The following COPZ1 variants were observed in gnomAD, a reference collection of about 807,000 sequenced individuals.
COPZ1 encodes the protein coatomer subunit zeta-1.
Under a neutral mutation model 31.7 loss-of-function variants are expected in COPZ1, and 4 were observed. The observed-to-expected ratio is 0.13, with a 90% CI of 0.06 to 0.29. COPZ1 has a LOEUF of 0.29. Ranked by LOEUF, COPZ1 falls within the 10% of genes least tolerant of loss-of-function variation. The pLI is 1.00. For synonymous variants in COPZ1, 74 were observed against 79.0 expected (o/e 0.94, Z 0.33); for missense variants, 156 against 211.5 (o/e 0.74, Z 1.63).
chr12:54,327,129 C>G (rs550713252), intron 1 of COPZ1, among the ~76,000 whole-genome samples: 2 of 149,686 alleles, frequency 1.3e-5, no homozygotes, highest in Non-Finnish European at 3.0e-5. Context: ...TACAGGCACG[C>G]GCCACCATGC....
intron 1 of COPZ1, 95 bp downstream of exon 1, chr12:54,325,276 G>T: frequency 6.9e-7 from 1 of 1,451,052 alleles, no homozygotes; most frequent in Non-Finnish European, 9.3e-7. Context: ...GAGAGTTCCG[G>T]GTAATTCTTG....
chr12:54,325,143 C>T lies in COPZ1; in HGVS notation c.-21C>T. On this transcript the variant is annotated 5_prime_UTR_variant, in exon 1 of 9. Transcript: ENST00000262061. ...CGGCGTTTCTTTTGCGGCTCCACGT[C>T]GGCACCAGCTGCGGGGCAAGATGGA... 1 of 1,561,680 alleles carries T rather than the reference C, an allele frequency of 6.4e-7. No individual in the cohort carries two copies. The highest frequency in any genetic ancestry group is 1.7e-4 in the Middle Eastern group (1 of 5,974).
chr12:54,326,836 G>A (rs989006669), intron 1 of COPZ1, among the ~76,000 whole-genome samples: 1 of 151,548 alleles, frequency 6.6e-6, no homozygotes, highest in African/African-American at 2.4e-5. Context: ...AAGAATAACA[G>A]GTTTTAATTC....
intron 7 of COPZ1, among the ~76,000 whole-genome samples, chr12:54,349,142 C>G (rs556057097): frequency 6.6e-6 from 1 of 152,180 alleles, no homozygotes; most frequent in African/African-American, 2.4e-5. Context: ...CCATCAACTC[C>G]CCGCTTTGTC....
At chr12:54,339,812 G>C (rs997574455) in intron 1 of COPZ1, among the ~76,000 whole-genome samples, 4 of 152,262 alleles carry the variant, frequency 2.6e-5, no homozygotes, top group Non-Finnish European at 4.4e-5. Context: ...GTGTTTCTCA[G>C]ATAGATCATC....
chr12:54,347,308 G>C (rs1195819294), intron 5 of COPZ1, among the ~76,000 whole-genome samples: 1 of 152,216 alleles, frequency 6.6e-6, no homozygotes, highest in Non-Finnish European at 1.5e-5. Context: ...GCTGGTAAGG[G>C]ATAGGGAGAA....
At chr12:54,338,953 A>G (rs1349222785) in intron 1 of COPZ1, among the ~76,000 whole-genome samples, 1 of 152,152 alleles carries the variant, frequency 6.6e-6, no homozygotes, top group East Asian at 1.9e-4. Flanking sequence ...TAGAGGCTGC[A>G]GTTTCTGGGT....
intron 1 of COPZ1, among the ~76,000 whole-genome samples, chr12:54,329,664 T>G (rs1953717728): frequency 6.6e-6 from 1 of 152,222 alleles, no homozygotes; most frequent in Non-Finnish European, 1.5e-5. Context: ...CCTCTCTGGA[T>G]TCACTTTCAG....
intron 1 of COPZ1, among the ~76,000 whole-genome samples, chr12:54,336,098 CT>C (rs1242835627): frequency 6.6e-6 from 1 of 152,156 alleles, no homozygotes; most frequent in Non-Finnish European, 1.5e-5. Context: ...TCCAAGTATC[CT>C]CTCTACCTTC....
rs769365032 is a variant in COPZ1, at chr12:54,325,150, A to C, written c.-14A>C. The stretch of plus-strand genomic sequence containing the variant: ...TCTTTTGCGGCTCCACGTCGGCACC[A>C]GCTGCGGGGCAAGATGGAGGCGCTG... On this transcript the variant is annotated 5_prime_UTR_variant, in exon 1 of 9. Transcript: ENST00000262061. 2 of 1,562,686 alleles carry C rather than the reference A, an allele frequency of 1.3e-6. No individual in the cohort carries two copies. Among genetic ancestry groups the C allele is most frequent in the Non-Finnish European group, 1.7e-6 (2 of 1,153,844 alleles).
intron 1 of COPZ1, among the ~76,000 whole-genome samples, chr12:54,330,365 C>G (rs1341180417): frequency 2.0e-5 from 3 of 152,192 alleles, no homozygotes; most frequent in African/African-American, 7.2e-5. Context: ...CAGACCTCGG[C>G]TTGAACTAAA....
chr12:54,345,185 T>C (rs1219320859), intron 4 of COPZ1: 2 of 391,924 alleles, frequency 5.1e-6, no homozygotes, highest in African/African-American at 2.0e-5. Context: ...GTAACACATA[T>C]ACAGTTGGTG....
At chr12:54,326,406 C>T (rs1592193626) in intron 1 of COPZ1, among the ~76,000 whole-genome samples, 2 of 148,722 alleles carry the variant, frequency 1.3e-5, no homozygotes, top group African/African-American at 5.0e-5. Flanking sequence ...TCCCAAAGTG[C>T]TGGGATTACA....
chr12:54,332,192 C>G (rs534359290), intron 1 of COPZ1, among the ~76,000 whole-genome samples: 3 of 151,916 alleles, frequency 2.0e-5, no homozygotes, highest in Non-Finnish European at 2.9e-5. Context: ...CATGGTGTCA[C>G]GCGCCTGTAA....
intron 3 of COPZ1, 123 bp from the exon 4 acceptor site, chr12:54,343,102 C>G: frequency 2.6e-6 from 2 of 761,986 alleles, no homozygotes; most frequent in Non-Finnish European, 4.6e-6. Context: ...GGTGATCCGC[C>G]AGGCTCGGCT....
At chr12:54,331,173 C>CTTTTTTTTTTTT (rs1000222358) in intron 1 of COPZ1, among the ~76,000 whole-genome samples, 2 of 80,270 alleles carry the variant, frequency 2.5e-5, no homozygotes, top group Non-Finnish European at 4.7e-5. Context: ...TTTTCACACT[C>CTTTTTTTTTTTT]TTTTTTTTTT....
At chr12:54,349,586 T>C (rs1192409792) in intron 7 of COPZ1, 34 bp from the exon 8 acceptor site, 4 of 1,589,232 alleles carry the variant, frequency 2.5e-6, no homozygotes, top group Middle Eastern at 3.3e-4. Flanking sequence ...TCCAGCTTTC[T>C]CCCACACTAA....
At chr12:54,349,949 T>G (rs2137115778) in intron 8 of COPZ1, 2 of 593,434 alleles carry the variant, frequency 3.4e-6, no homozygotes. Flanking sequence ...CAGCAGAGGC[T>G]TGCCTTAAGC....
At chr12:54,330,734 A>G (rs1239850107) in intron 1 of COPZ1, among the ~76,000 whole-genome samples, 1 of 152,196 alleles carries the variant, frequency 6.6e-6, no homozygotes, top group Non-Finnish European at 1.5e-5. Flanking sequence ...CTCCATTGAC[A>G]TGGCTTGATT....
Sources: gnomAD v4.1 joint callset for allele counts (sites outside exome capture counted in the v4.1 genomes callset) on GRCh38, gnomAD v4.1.1 for gene constraint, MANE v1.5 for transcripts, NCBI Gene and HGNC (gene_info 2026-07-23, HGNC 2026-07-21) for gene names.